Variants in TCF7L1 observed in about 807,000 individuals in gnomAD.
TCF7L1 encodes transcription factor 7 like 1.
A neutral mutation model predicts 63.7 loss-of-function variants in TCF7L1; 18 were observed. The ratio of observed to expected loss-of-function variants is 0.28; its 90% CI spans 0.20 to 0.42. TCF7L1 has a LOEUF of 0.42. Among genes scored for constraint, TCF7L1 ranks in the 10% least tolerant of loss-of-function variants. The pLI, the probability that TCF7L1 is intolerant of heterozygous loss-of-function variation, is 1.00. For missense variants in TCF7L1, 654 were observed against 779.3 expected, an observed-to-expected ratio of 0.84 and a Z score of 1.91; for synonymous variants, 355 against 340.9, an observed-to-expected ratio of 1.04 and a Z score of -0.46.
chr2:85,279,372 A>AACAT (rs1553406329), intron 3 of TCF7L1, among the ~76,000 whole-genome samples: 1 of 147,170 alleles, frequency 6.8e-6, no homozygotes, highest in Non-Finnish European at 1.5e-5. Context: ...GAGCCTGGGC[A>AACAT]ACGTAGCAAG....
intron 3 of TCF7L1, among the ~76,000 whole-genome samples, chr2:85,156,257 C>T: frequency 6.6e-6 from 1 of 152,214 alleles, no homozygotes; most frequent in Non-Finnish European, 1.5e-5. Context: ...CTCTGCTGAA[C>T]TAGGAAAATA....
intron 3 of TCF7L1, among the ~76,000 whole-genome samples, chr2:85,137,064 C>T (rs1381468919): frequency 6.6e-6 from 1 of 152,154 alleles, no homozygotes; most frequent in Non-Finnish European, 1.5e-5. Flanking sequence ...CTCTAAACTG[C>T]ACCACTTTAG....
chr2:85,192,498 A>G (rs138580387), intron 3 of TCF7L1, among the ~76,000 whole-genome samples: 1,933 of 151,810 alleles, frequency 0.013, 18 homozygotes, highest in Middle Eastern at 0.024. Context: ...AGCGATTCTC[A>G]TGCGTCAGCC....
At chr2:85,151,026 G>A (rs1678002203) in intron 3 of TCF7L1, among the ~76,000 whole-genome samples, 2 of 152,120 alleles carry the variant, frequency 1.3e-5, no homozygotes, top group South Asian at 2.1e-4. Context: ...TACTAAATAA[G>A]GTGAAAGTAT....
At chr2:85,197,958 A>T (rs1443370618) in intron 3 of TCF7L1, among the ~76,000 whole-genome samples, 1 of 152,168 alleles carries the variant, frequency 6.6e-6, no homozygotes, top group African/African-American at 2.4e-5. Context: ...GAGGTGGCAG[A>T]GGAGGGGTCC....
intron 3 of TCF7L1, among the ~76,000 whole-genome samples, chr2:85,243,788 C>T (rs1573007171): frequency 1.3e-5 from 2 of 152,056 alleles, no homozygotes; most frequent in Admixed American, 6.5e-5. Context: ...TAGAAAGGGC[C>T]GGGTATTCAT....
chr2:85,271,070 C>G (rs1366581041), intron 3 of TCF7L1, among the ~76,000 whole-genome samples: 3 of 152,092 alleles, frequency 2.0e-5, no homozygotes, highest in African/African-American at 7.2e-5. Flanking sequence ...GTCCTATATT[C>G]TAGTGCCAGT....
chr2:85,142,407 G>A (rs1677757255), intron 3 of TCF7L1, among the ~76,000 whole-genome samples: 1 of 146,090 alleles, frequency 6.8e-6, no homozygotes, highest in African/African-American at 2.6e-5. Flanking sequence ...GACAGAGTGA[G>A]ACCCTGTTTC....
chr2:85,145,883 T>G (rs1193447236), intron 3 of TCF7L1, among the ~76,000 whole-genome samples: 1 of 151,142 alleles, frequency 6.6e-6, no homozygotes, highest in Non-Finnish European at 1.5e-5. Context: ...TTTGTTTATT[T>G]AAAAAAAAAT....
chr2:85,262,387 TAAAAG>T (rs1447715659), intron 3 of TCF7L1: 107 of 372,614 alleles, frequency 2.9e-4, no homozygotes, highest in African/African-American at 2.3e-3. Flanking sequence ...CACCGTCTCT[TAAAAG>T]AAAAAAAAAA....
At chr2:85,229,075 G>A (rs547853542) in intron 3 of TCF7L1, among the ~76,000 whole-genome samples, 7 of 151,406 alleles carry the variant, frequency 4.6e-5, no homozygotes, top group Admixed American at 6.6e-5. Flanking sequence ...GGCCAGGCGC[G>A]GTGGCTCACG....
chr2:85,206,064 T>C lies in TCF7L1; in HGVS notation c.441+71614T>C, dbSNP rs182872193. Reference sequence around the variant, plus strand: ...TTGCTGACAAAGTTCCAAGTGAAGGTACCTGTTAGCTGGGGCTATTAACTC... The same window carrying C: ...TTGCTGACAAAGTTCCAAGTGAAGGCACCTGTTAGCTGGGGCTATTAACTC... On this transcript the variant is annotated intron_variant, in intron 3 of 11. Coordinates refer to ENST00000282111, the MANE Select transcript of TCF7L1 (RefSeq NM_031283.3). Among the ~76,000 whole-genome samples, 627 of 152,352 alleles carry C rather than the reference T, an allele frequency of 4.1e-3. 8 individuals are homozygous for C. Among genetic ancestry groups the C allele is most frequent in the African/African-American group, 0.015 (615 of 41,584 alleles).
chr2:85,191,137 C>A (rs1057011479), intron 3 of TCF7L1, among the ~76,000 whole-genome samples: 1 of 151,794 alleles, frequency 6.6e-6, no homozygotes, highest in Non-Finnish European at 1.5e-5. Context: ...AAACACTTGC[C>A]AAGCTGCCAG....
chr2:85,231,766 T>C (rs1363103552), intron 3 of TCF7L1, among the ~76,000 whole-genome samples: 1 of 152,164 alleles, frequency 6.6e-6, no homozygotes, highest in Non-Finnish European at 1.5e-5. Context: ...ACCCCTGGCA[T>C]GGGTATAGGA....
At chr2:85,232,984 G>C (rs1680116932) in intron 3 of TCF7L1, 1 of 152,134 alleles carries the variant, frequency 6.6e-6, no homozygotes, top group African/African-American at 2.4e-5. Context: ...ACCCAGGCTA[G>C]AGTGCAGCGA....
chr2:85,246,688 G>A (rs978626586), intron 3 of TCF7L1, among the ~76,000 whole-genome samples: 7 of 152,156 alleles, frequency 4.6e-5, no homozygotes, highest in Admixed American at 6.5e-5. Flanking sequence ...ATTGCCACCA[G>A]CATTTATTAA....
intron 3 of TCF7L1, among the ~76,000 whole-genome samples, chr2:85,279,841 C>T (rs1001316372): frequency 3.9e-5 from 6 of 152,182 alleles, no homozygotes; most frequent in African/African-American, 1.2e-4. Flanking sequence ...GACCACCTCT[C>T]CCTTCTGGTC....
At chr2:85,151,884 A>G (rs1678025374) in intron 3 of TCF7L1, among the ~76,000 whole-genome samples, 1 of 152,170 alleles carries the variant, frequency 6.6e-6, no homozygotes, top group South Asian at 2.1e-4. Flanking sequence ...CTTGTTTTAG[A>G]TCATATGGGG....
Position 85,302,570 on chromosome 2 carries a change from C to A in TCF7L1, c.612C>A (p.Pro204=), listed in dbSNP as rs139053179. ...LITYSNDHFS[P]GSPPTHLSPE... is the part of the protein sequence containing the mutation. ...CCTACAGCAATGACCACTTCTCCCC[C>A]GGCTCCCCTCCCACCCACCTCTCCC... The change falls in exon 5 of 12, where the codon CCC becomes CCA. Residue 204 remains proline (P), a synonymous_variant. Transcript: ENST00000282111. 1.9e-6 allele frequency: 3 copies of A among 1,614,078 alleles called. No individual in the cohort carries two copies. Among genetic ancestry groups the A allele is most frequent in the Admixed American group, 1.7e-5 (1 of 60,028 alleles).
Sources: gnomAD v4.1 joint callset for allele counts (sites outside exome capture counted in the v4.1 genomes callset) on GRCh38, gnomAD v4.1.1 for gene constraint, MANE v1.5 for transcripts, NCBI Gene and HGNC (gene_info 2026-07-23, HGNC 2026-07-21) for gene names.